Variants in NMT1 observed in about 807,000 individuals in gnomAD.
NMT1 encodes glycylpeptide N-tetradecanoyltransferase 1.
In NMT1, 12 loss-of-function variants were observed where a neutral mutation model predicts 63.4. The ratio of observed to expected loss-of-function variants is 0.19; its 90% CI spans 0.12 to 0.31. The LOEUF (loss-of-function observed/expected upper bound fraction) is 0.31, where lower values mean the gene tolerates loss of function less well. Among genes scored for constraint, NMT1 ranks in the 10% least tolerant of loss-of-function variants. NMT1 has a pLI of 1.00. For synonymous variants in NMT1, 228 were observed against 234.3 expected (o/e 0.97, Z 0.25); for missense variants, 432 against 634.6 (o/e 0.68, Z 3.43).
In NMT1 at chr17:45,077,225, T is replaced by C. The variant is rs182826300; in HGVS notation, c.132-4419T>C. Among the ~76,000 whole-genome samples the C allele has an allele frequency of 2.7e-3, 406 of 152,344 alleles. 1 individual carries two copies. The highest frequency in any genetic ancestry group is 8.7e-3 in the African/African-American group (362 of 41,584). On this transcript the variant is annotated intron_variant, in intron 1 of 11. Coordinates refer to ENST00000258960, the MANE Select transcript of NMT1 (RefSeq NM_021079.5). ...GTAGAATTATAAAAAGTTATTCTTA[T>C]GGTAATTCATATTACCATAATTTGT...
chr17:45,078,092 A>G (rs1350943805), intron 1 of NMT1, among the ~76,000 whole-genome samples: 1 of 152,204 alleles, frequency 6.6e-6, no homozygotes, highest in African/African-American at 2.4e-5. Context: ...GTCTTTCTGC[A>G]TCAGGGGCAC....
rs1339745772 is a variant in NMT1 at position 45,069,088 on chromosome 17, GT to G, written c.131+7629del. Among the ~76,000 whole-genome samples, 12 of 151,230 alleles carry G rather than the reference GT, an allele frequency of 7.9e-5. No homozygotes were observed. In the South Asian group the frequency reaches 2.5e-3, roughly 32 times the overall value. ...CGACTCTCCTGCGTCAGCCTCCTAA[GT>G]AGCTGGGATTACAGGTGCCTGCCAC... On this transcript the variant is annotated intron_variant, in intron 1 of 11. Coordinates refer to ENST00000258960, the MANE Select transcript of NMT1 (RefSeq NM_021079.5).
intron 3 of NMT1, 109 bp downstream of exon 3, chr17:45,086,761 T>G (rs2054057717): frequency 2.6e-6 from 3 of 1,168,664 alleles, no homozygotes; most frequent in Non-Finnish European, 3.6e-6. Context: ...AGTAGAGTCC[T>G]GGAGTTCCTT....
chr17:45,090,300 A>G (rs1022039207), intron 3 of NMT1, among the ~76,000 whole-genome samples: 1 of 152,172 alleles, frequency 6.6e-6, no homozygotes, highest in African/African-American at 2.4e-5. Context: ...TAAAAAATAA[A>G]TAAATAAAAA....
intron 3 of NMT1, among the ~76,000 whole-genome samples, chr17:45,091,237 C>CACACACACGT (rs1555606665): frequency 6.2e-4 from 92 of 148,432 alleles, no homozygotes; most frequent in African/African-American, 2.1e-3. Flanking sequence ...CACACACACA[C>CACACACACGT]GTCCCATAGC....
At position 45,071,084 on chromosome 17, in the gene NMT1, T is replaced by A. The variant is rs372275810; in HGVS notation, c.131+9624T>A. ...TTCACCTCTCTTTGGTCTTTCTGAG[T>A]ACTAATAGGATTATTAGTGAACTTA... is the stretch of plus-strand genomic sequence containing the variant. On this transcript the variant is annotated intron_variant, in intron 1 of 11. Transcript: ENST00000258960. 3.1e-4 allele frequency among the ~76,000 whole-genome samples: 47 copies of A among 152,350 alleles called. 1 individual carries two copies. In the South Asian group the frequency reaches 9.3e-3, roughly 30 times the overall value.
intron 1 of NMT1, among the ~76,000 whole-genome samples, chr17:45,071,952 A>G (rs935471730): frequency 2.0e-5 from 3 of 152,144 alleles, no homozygotes; most frequent in South Asian, 4.1e-4. Context: ...GAGAGAAGAC[A>G]ATGAATAAGA....
intron 3 of NMT1, among the ~76,000 whole-genome samples, chr17:45,090,098 C>T (rs1404374228): frequency 6.6e-6 from 1 of 151,804 alleles, no homozygotes; most frequent in Non-Finnish European, 1.5e-5. Context: ...GCCTGGACAA[C>T]AGGGAAAGAC....
intron 1 of NMT1, among the ~76,000 whole-genome samples, chr17:45,074,360 G>C (rs961834248): frequency 8.6e-5 from 13 of 151,806 alleles, no homozygotes; most frequent in Admixed American, 8.6e-4. Flanking sequence ...GACTACAGGC[G>C]CCCACCACCA....
At chr17:45,100,062 C>T (rs1323388972) in intron 8 of NMT1, among the ~76,000 whole-genome samples, 1 of 152,098 alleles carries the variant, frequency 6.6e-6, no homozygotes, top group African/African-American at 2.4e-5. Flanking sequence ...AACAAATGCT[C>T]CAACTGTGGC....
At chr17:45,067,050 T>A (rs2053907623) in intron 1 of NMT1, among the ~76,000 whole-genome samples, 1 of 152,136 alleles carries the variant, frequency 6.6e-6, no homozygotes, top group Admixed American at 6.5e-5. Flanking sequence ...TGCACTCAAT[T>A]TCCCCCAGTT....
At chr17:45,086,686 G>A in intron 3 of NMT1, 34 bp downstream of exon 3, 1 of 1,579,948 alleles carries the variant, frequency 6.3e-7, no homozygotes, top group South Asian at 1.2e-5. Flanking sequence ...GCCAGGTCAG[G>A]GGCGAGGGAT....
intron 1 of NMT1, among the ~76,000 whole-genome samples, chr17:45,073,910 G>A (rs575006704): frequency 1.4e-4 from 21 of 152,230 alleles, no homozygotes; most frequent in African/African-American, 2.2e-4. Context: ...CCTCCCCTAT[G>A]ATAGAGCTTT....
intron 1 of NMT1, among the ~76,000 whole-genome samples, chr17:45,080,222 G>T (rs1476509969): frequency 4.0e-5 from 6 of 151,026 alleles, no homozygotes; most frequent in Non-Finnish European, 5.9e-5. Context: ...GTGCCGTGGC[G>T]CGATCTTGGC....
At chr17:45,085,700 C>G (rs142167677) in intron 2 of NMT1, among the ~76,000 whole-genome samples, 89 of 152,272 alleles carry the variant, frequency 5.8e-4, no homozygotes, top group African/African-American at 2.1e-3. Context: ...GGGAGAAACC[C>G]TGCGGGCAGC....
At position 45,105,275 on chromosome 17, in the gene NMT1, G is replaced by A. The variant is rs1710990422; in HGVS notation, c.1470+279G>A. On this transcript the variant is annotated intron_variant, in intron 11 of 11. Transcript: ENST00000258960. The surrounding 1 kb of genome is among the most constrained non-coding windows in gnomAD (Gnocchi z 4.2). ...GTGAGGGAACCGTGGAAGTTGAGTT[G>A]CCCACGGTTTGCCAGGAGGGTAGGG... Among the ~76,000 whole-genome samples, 1 of 152,188 alleles carries A rather than the reference G, an allele frequency of 6.6e-6. No homozygotes were observed. The highest frequency in any genetic ancestry group is 2.4e-5 in the African/African-American group (1 of 41,444).
intron 1 of NMT1, among the ~76,000 whole-genome samples, chr17:45,063,789 C>T (rs1048453912): frequency 3.3e-5 from 5 of 151,598 alleles, no homozygotes; most frequent in East Asian, 3.9e-4. Flanking sequence ...CCAGCTACTC[C>T]GGAGACTGAG....
At chr17:45,085,819 CT>C (rs747872109) in intron 2 of NMT1, among the ~76,000 whole-genome samples, 2,566 of 145,356 alleles carry the variant, frequency 0.018, 50 homozygotes, top group South Asian at 0.073. Context: ...CCCTTTAACT[CT>C]TTTTTTTTTT....
chr17:45,065,093 T>C (rs186709286), intron 1 of NMT1, among the ~76,000 whole-genome samples: 204 of 152,300 alleles, frequency 1.3e-3, no homozygotes, highest in South Asian at 9.3e-3. Flanking sequence ...GTCTGGTACC[T>C]GTCTCATCTG....
Sources: gnomAD v4.1 joint callset for allele counts (sites outside exome capture counted in the v4.1 genomes callset) on GRCh38, gnomAD v4.1.1 for gene constraint, Gnocchi (gnomAD v3.1) non-coding constraint, MANE v1.5 for transcripts, NCBI Gene and HGNC (gene_info 2026-07-23, HGNC 2026-07-21) for gene names.